Variants in HVCN1 observed in about 807,000 individuals in gnomAD.
HVCN1 encodes the protein hydrogen voltage gated channel 1.
HVCN1 carries 14 observed loss-of-function variants against 29.2 expected under a neutral mutation model. The observed-to-expected ratio is 0.48, with a 90% CI of 0.32 to 0.75. The LOEUF is 0.75. Ranked by LOEUF, HVCN1 falls within the 30% of genes least tolerant of loss-of-function variation. The pLI, the probability that HVCN1 is intolerant of heterozygous loss-of-function variation, is 0.04. For synonymous variants in HVCN1, 131 were observed against 133.2 expected (o/e 0.98, Z 0.11); for missense variants, 263 against 341.8 (o/e 0.77, Z 1.82).
At chr12:110,663,636 A>T (rs1301570776) in intron 3 of HVCN1, among the ~76,000 whole-genome samples, 5 of 150,686 alleles carry the variant, frequency 3.3e-5, no homozygotes, top group Non-Finnish European at 7.4e-5. Flanking sequence ...AAAAAAATTT[A>T]TCTACATGTG....
chr12:110,666,730 G>A (rs758710333), intron 3 of HVCN1, among the ~76,000 whole-genome samples: 10 of 151,988 alleles, frequency 6.6e-5, no homozygotes, highest in African/African-American at 2.2e-4. Flanking sequence ...TCCGAGCTTC[G>A]CTTACTCTTG....
At chr12:110,657,133 A>G (rs2068015729) in intron 4 of HVCN1, among the ~76,000 whole-genome samples, 1 of 152,224 alleles carries the variant, frequency 6.6e-6, no homozygotes, top group African/African-American at 2.4e-5. Flanking sequence ...ATGCAGGTTC[A>G]CAGTTGCCCA....
exon 1 of HVCN1, chr12:110,704,911 T>C (rs1164401635): frequency 6.6e-6 from 1 of 152,218 alleles, no homozygotes; most frequent in Non-Finnish European, 1.5e-5. Context: ...CTTCTCCACC[T>C]GCACATGTTC....
Position 110,649,298 on chromosome 12 carries a change from G to C in HVCN1, c.*112C>G, listed in dbSNP as rs2067667018. ...AATCCATGCTGGCAGGAGGGAGGCA[G>C]AGGTATCAAACCAAACCTCTCACCA... On this transcript the variant is annotated 3_prime_UTR_variant, in exon 8 of 8. Transcript: ENST00000242607. 2 of 799,036 alleles carry C rather than the reference G, an allele frequency of 2.5e-6. No individual in the cohort carries two copies. Among genetic ancestry groups the C allele is most frequent in the Non-Finnish European group, 4.3e-6 (2 of 463,250 alleles). The allele number at this position is 799,036 out of a possible 1,614,324, so 49.5% of individuals were successfully genotyped here.
intron 3 of HVCN1, among the ~76,000 whole-genome samples, chr12:110,671,363 C>T (rs906457231): frequency 1.1e-4 from 16 of 152,032 alleles, no homozygotes; most frequent in African/African-American, 2.9e-4. Context: ...GGTAAGGTCA[C>T]GTGAAGGTCA....
chr12:110,686,004 T>C (rs1170851611), intron 2 of HVCN1, among the ~76,000 whole-genome samples: 1 of 151,918 alleles, frequency 6.6e-6, no homozygotes, highest in Non-Finnish European at 1.5e-5. Context: ...TTCTATAATT[T>C]TTTTTTTCCC....
chr12:110,684,457 C>T (rs536004346), intron 2 of HVCN1, among the ~76,000 whole-genome samples: 1 of 152,296 alleles, frequency 6.6e-6, no homozygotes, highest in East Asian at 1.9e-4. Context: ...AGTGAATGCA[C>T]CTCTGAGCAG....
At chr12:110,652,469 G>A (rs2067844116) in intron 5 of HVCN1, among the ~76,000 whole-genome samples, 1 of 152,168 alleles carries the variant, frequency 6.6e-6, no homozygotes, top group African/African-American at 2.4e-5. Context: ...GAGGTACAAT[G>A]TGGGCAAGGA....
Position 110,676,963 on chromosome 12 carries a change from C to CT in HVCN1, c.21+6261dup, listed in dbSNP as rs1168043639. On this transcript the variant is annotated intron_variant, in intron 3 of 7. Transcript: ENST00000242607. This position sits in a 1 kb window ranked among gnomAD's most constrained non-coding sequence, Gnocchi z 4.1. ...GTCACTCACACCTGTAATCCCAGCA[C>CT]TTTGGGAGGCTGAGGGGGATCACTG... Among the ~76,000 whole-genome samples, 1 of 152,048 alleles carries CT rather than the reference C, an allele frequency of 6.6e-6. No homozygotes were observed. The highest frequency in any genetic ancestry group is 2.4e-5 in the African/African-American group (1 of 41,380).
chr12:110,704,476 C>T (rs985650882), intron 1 of HVCN1, among the ~76,000 whole-genome samples: 2 of 151,692 alleles, frequency 1.3e-5, no homozygotes, highest in Middle Eastern at 3.4e-3. Flanking sequence ...ATAGCAAGAC[C>T]CTGTCTCTAC....
intron 2 of HVCN1, among the ~76,000 whole-genome samples, chr12:110,687,700 AG>A (rs1316090994): frequency 6.6e-6 from 1 of 152,152 alleles, no homozygotes; most frequent in Non-Finnish European, 1.5e-5. Flanking sequence ...GCTTTGGGTT[AG>A]AACTTGTCGC....
At position 110,663,463 on chromosome 12, in the gene HVCN1, A is replaced by G. The variant is rs551652101; in HGVS notation, c.22-2015T>C. Among the ~76,000 whole-genome samples the G allele has an allele frequency of 1.1e-4, 17 of 151,846 alleles. No individual in the cohort carries two copies. The Middle Eastern group carries it at 0.017, about 152-fold the overall frequency. Reference sequence around the variant, plus strand: ...GAAAAATAAAAAAAATTAGCCAGGCATGGTAGCACACCTGTAGTCCCAGCT... The same window carrying G: ...GAAAAATAAAAAAAATTAGCCAGGCGTGGTAGCACACCTGTAGTCCCAGCT... On this transcript the variant is annotated intron_variant, in intron 3 of 7. Transcript: ENST00000242607.
At chr12:110,662,620 G>A (rs959483164) in intron 3 of HVCN1, among the ~76,000 whole-genome samples, 3 of 152,148 alleles carry the variant, frequency 2.0e-5, no homozygotes, top group African/African-American at 7.2e-5. Context: ...CCCCAGAATC[G>A]CTTGAAGCTG....
chr12:110,669,416 G>A (rs1237625461), intron 3 of HVCN1, among the ~76,000 whole-genome samples: 2 of 152,046 alleles, frequency 1.3e-5, no homozygotes, highest in Admixed American at 1.3e-4. Flanking sequence ...CTTCAGGATC[G>A]AGTCCCAGCT....
At chr12:110,668,420 G>A (rs1313015525) in intron 3 of HVCN1, among the ~76,000 whole-genome samples, 3 of 152,104 alleles carry the variant, frequency 2.0e-5, no homozygotes, top group African/African-American at 7.2e-5. Context: ...CATGAAAATT[G>A]CTTGAACCTA....
At chr12:110,664,733 T>C (rs1243536488) in intron 3 of HVCN1, among the ~76,000 whole-genome samples, 2 of 152,134 alleles carry the variant, frequency 1.3e-5, no homozygotes, top group Admixed American at 1.3e-4. Flanking sequence ...TGCTTGGCAA[T>C]GTACCAGAAA....
chr12:110,695,458 A>T (rs1307635425), intron 2 of HVCN1, among the ~76,000 whole-genome samples: 2 of 152,040 alleles, frequency 1.3e-5, no homozygotes, highest in Non-Finnish European at 1.5e-5. Context: ...CAGGAGGCTG[A>T]GGCCAGAGGA....
chr12:110,651,453 A>G lies in HVCN1; in HGVS notation c.412-5T>C. 1 of 1,593,528 alleles carries G rather than the reference A, an allele frequency of 6.3e-7. No homozygotes were observed. Among genetic ancestry groups the G allele is most frequent in the Non-Finnish European group, 8.6e-7 (1 of 1,161,370 alleles). Reference sequence around the variant, plus strand: ...GATGCTCATGTAGTGGAATACCTGAAGGGGACAAGGAACCACAGTCAGGGG... The same window carrying G: ...GATGCTCATGTAGTGGAATACCTGAGGGGGACAAGGAACCACAGTCAGGGG... On this transcript the variant is annotated splice_polypyrimidine_tract_variant and splice_region_variant and intron_variant, in intron 5 of 7. Coordinates refer to ENST00000242607, the MANE Select transcript of HVCN1 (RefSeq NM_032369.4).
chr12:110,659,763 A>G (rs187660330), intron 4 of HVCN1, among the ~76,000 whole-genome samples: 4,919 of 152,090 alleles, frequency 0.032, 115 homozygotes, highest in Non-Finnish European at 0.05. Context: ...TTAAAAAAAA[A>G]GCCCTTCTAA....
Sources: allele counts gnomAD v4.1 joint callset (sites outside exome capture counted in the v4.1 genomes callset), GRCh38; gene constraint gnomAD v4.1.1; non-coding constraint Gnocchi (gnomAD v3.1); transcripts MANE v1.5; gene names NCBI Gene and HGNC (gene_info 2026-07-23, HGNC 2026-07-21).